Variants in MDFI observed in about 807,000 individuals in gnomAD.
The protein encoded by MDFI is inhibitor of MyoD family a.
MDFI carries 16 observed loss-of-function variants against 22.3 expected under a neutral mutation model. The observed-to-expected ratio is 0.72, with a 90% CI of 0.49 to 1.09. The LOEUF (loss-of-function observed/expected upper bound fraction) is 1.09. Ranked by LOEUF, MDFI falls within the 50% of genes least tolerant of loss-of-function variation. The pLI is 0.00. For missense variants in MDFI, 314 were observed against 326.1 expected, an observed-to-expected ratio of 0.96 and a Z score of 0.29; for synonymous variants, 145 against 142.7, an observed-to-expected ratio of 1.02 and a Z score of -0.12.
intron 2 of MDFI, chr6:41,639,842 G>A (rs1292737418): frequency 1.0e-6 from 1 of 985,248 alleles, no homozygotes; most frequent in Non-Finnish European, 1.2e-6. Context: ...CCCTTCTCTG[G>A]CCTGAGCCTC....
In MDFI at chr6:41,649,645, T is replaced by C; in HGVS notation, c.286T>C (p.Cys96Arg). 6.2e-7 allele frequency: 1 copy of C among 1,610,878 alleles called. No individual in the cohort carries two copies. Among genetic ancestry groups the C allele is most frequent in the Non-Finnish European group, 8.5e-7 (1 of 1,178,016 alleles). Residue 96 changes from cysteine to arginine, a missense_variant, in exon 4 of 5, where the codon TGC (cysteine) becomes CGC (arginine). Physicochemically the swap from Cys to Arg is radical, Grantham distance 180 (BLOSUM62 -3). Transcript: ENST00000230321. ...CCAGCCTCAGGGGAACCCCTTGGGCTGCACCCCACTTCTGCCGAATGACTC... is the reference window on the plus strand; with the variant it reads ...CCAGCCTCAGGGGAACCCCTTGGGCCGCACCCCACTTCTGCCGAATGACTC... ...TCQPQGNPLG[C>R]TPLLPNDSGH...
At chr6:41,647,730 G>A (rs148953167) in intron 3 of MDFI, among the ~76,000 whole-genome samples, 1 of 152,182 alleles carries the variant, frequency 6.6e-6, no homozygotes, top group African/African-American at 2.4e-5. Context: ...GTGAAATGGG[G>A]CCAGTAGTAG....
At chr6:41,651,263 C>T (rs1264828045) in intron 4 of MDFI, among the ~76,000 whole-genome samples, 1 of 149,348 alleles carries the variant, frequency 6.7e-6, no homozygotes, top group Non-Finnish European at 1.5e-5. Context: ...TCATGAGAGA[C>T]GTAGATAGGT....
At chr6:41,641,681 C>A (rs1767857134) in intron 2 of MDFI, among the ~76,000 whole-genome samples, 1 of 152,174 alleles carries the variant, frequency 6.6e-6, no homozygotes, top group Non-Finnish European at 1.5e-5. Context: ...AAGTGGGAAG[C>A]CCAGATCCAC....
At chr6:41,646,060 G>T in intron 2 of MDFI, 66 bp from the exon 3 acceptor site, 1 of 1,361,488 alleles carries the variant, frequency 7.3e-7, no homozygotes, top group East Asian at 2.8e-5. Context: ...TGTGGGGCGG[G>T]GCCCACGGCT....
At chr6:41,644,962 A>C (rs1012084801) in intron 2 of MDFI, among the ~76,000 whole-genome samples, 3 of 142,994 alleles carry the variant, frequency 2.1e-5, no homozygotes, top group South Asian at 2.3e-4. Flanking sequence ...CCTCTGTGTC[A>C]CCCTGCCTCT....
chr6:41,639,654 G>C, intron 2 of MDFI: 1 of 985,436 alleles, frequency 1.0e-6, no homozygotes, highest in Non-Finnish European at 1.2e-6. Context: ...TTCAGGGCCA[G>C]GGGAACCGCG....
chr6:41,643,845 C>T (rs185402955), intron 2 of MDFI, among the ~76,000 whole-genome samples: 3 of 152,300 alleles, frequency 2.0e-5, no homozygotes, highest in African/African-American at 7.2e-5. Context: ...TAACCCAACT[C>T]TGATAATTTG....
intron 2 of MDFI, among the ~76,000 whole-genome samples, chr6:41,645,302 G>C: frequency 6.6e-6 from 1 of 151,964 alleles, no homozygotes; most frequent in East Asian, 1.9e-4. Flanking sequence ...CCTGAGCCTA[G>C]GGGCCCTAGT....
chr6:41,646,857 A>G (rs1768071554), intron 3 of MDFI, among the ~76,000 whole-genome samples: 1 of 152,186 alleles, frequency 6.6e-6, no homozygotes, highest in South Asian at 2.1e-4. Flanking sequence ...ATCTTTAGAC[A>G]CATTTTTACT....
Position 41,654,035 on chromosome 6 carries a change from A to C in MDFI, c.*460A>C. 5.0e-6 allele frequency: 1 copy of C among 198,418 alleles called. No individual in the cohort carries two copies. Among genetic ancestry groups the C allele is most frequent in the Non-Finnish European group, 1.0e-5 (1 of 95,506 alleles). The allele number at this position is 198,418 out of a possible 1,614,324, so 12.3% of individuals were successfully genotyped here. A position where few individuals can be genotyped will look rare whatever the true frequency, so the allele number is the denominator to read the frequency against. The stretch of plus-strand genomic sequence containing the variant: ...ACAGAAAAATGTGAAGAGACGCCCC[A>C]CCCACCCTCAGCCAGCCCTCTCCAG... On this transcript the variant is annotated 3_prime_UTR_variant, in exon 5 of 5. Coordinates refer to ENST00000230321, the MANE Select transcript of MDFI (RefSeq NM_005586.4).
At chr6:41,641,060 G>A (rs1347249226) in intron 2 of MDFI, among the ~76,000 whole-genome samples, 1 of 152,218 alleles carries the variant, frequency 6.6e-6, no homozygotes, top group Non-Finnish European at 1.5e-5. Context: ...AACCATGTGT[G>A]CATCAAAGGA....
At chr6:41,652,127 T>C (rs796066511) in intron 4 of MDFI, among the ~76,000 whole-genome samples, 34 of 152,188 alleles carry the variant, frequency 2.2e-4, no homozygotes, top group African/African-American at 7.9e-4. Flanking sequence ...AGCCAGCCGG[T>C]TGCGGTATTG....
At chr6:41,639,269 AC>A in intron 2 of MDFI, 1 of 984,802 alleles carries the variant, frequency 1.0e-6, no homozygotes, top group Non-Finnish European at 1.2e-6. Flanking sequence ...CTTCCCGAAA[AC>A]TTTTGTCTGC....
intron 2 of MDFI, among the ~76,000 whole-genome samples, chr6:41,642,697 C>T (rs1767895138): frequency 6.6e-6 from 1 of 152,194 alleles, no homozygotes; most frequent in Non-Finnish European, 1.5e-5. Context: ...GGTTCTCTGT[C>T]CCTCTGTGTG....
intron 2 of MDFI, among the ~76,000 whole-genome samples, chr6:41,641,000 CTT>C (rs1767833339): frequency 6.6e-6 from 1 of 152,238 alleles, no homozygotes; most frequent in South Asian, 2.1e-4. Context: ...CTCAGGCCCT[CTT>C]TAGTTTTCAG....
In MDFI at chr6:41,653,920, T is replaced by G; in HGVS notation, c.*345T>G. The G allele has an allele frequency of 3.0e-6, 1 of 337,638 alleles. No individual in the cohort carries two copies. Among genetic ancestry groups the G allele is most frequent in the Non-Finnish European group, 5.5e-6 (1 of 181,856 alleles). The allele number at this position is 337,638 out of a possible 1,614,324, so 20.9% of individuals were successfully genotyped here. A position where few individuals can be genotyped will look rare whatever the true frequency, so the allele number is the denominator to read the frequency against. ...CAGGGCTGGGGAACACTGTGAAAGT[T>G]ACTTGGGGAGGGTGGGCCGGTGGGG... is the stretch of plus-strand genomic sequence containing the variant. On this transcript the variant is annotated 3_prime_UTR_variant, in exon 5 of 5. Transcript: ENST00000230321. This position sits in a 1 kb window ranked among gnomAD's most constrained non-coding sequence, Gnocchi z 4.2.
intron 3 of MDFI, 107 bp from the exon 4 acceptor site, chr6:41,649,512 G>C (rs1179228567): frequency 6.8e-6 from 7 of 1,022,042 alleles, no homozygotes; most frequent in Non-Finnish European, 1.0e-5. Context: ...GTCTGGCTGG[G>C]TGCTTTGGGG....
intron 2 of MDFI, among the ~76,000 whole-genome samples, chr6:41,640,820 T>A (rs1767827068): frequency 1.3e-5 from 2 of 152,152 alleles, no homozygotes; most frequent in African/African-American, 4.8e-5. Context: ...AGTGGCCTCC[T>A]CCCCACCCAC....
Sources: allele counts gnomAD v4.1 joint callset (sites outside exome capture counted in the v4.1 genomes callset), GRCh38; gene constraint gnomAD v4.1.1; non-coding constraint Gnocchi (gnomAD v3.1); transcripts MANE v1.5; gene names NCBI Gene and HGNC (gene_info 2026-07-23, HGNC 2026-07-21).